ADAMTSL1: variants seen among roughly 807,000 people sequenced by gnomAD.
The protein encoded by ADAMTSL1 is ADAMTS-like protein 1.
In ADAMTSL1, 126 loss-of-function variants were observed where a neutral mutation model predicts 201.8. That is an observed-to-expected ratio of 0.62 (90% CI 0.54 to 0.72). ADAMTSL1 has a LOEUF of 0.72. Ranked by LOEUF, ADAMTSL1 falls within the 30% of genes least tolerant of loss-of-function variation. The probability of loss-of-function intolerance (pLI) is 0.00; values close to 1 mark genes in which losing one functional copy is unlikely to be tolerated. For synonymous variants in ADAMTSL1, 1,121 were observed against 903.4 expected (o/e 1.24, Z -4.32); for missense variants, 2,679 against 2,277.8 (o/e 1.18, Z -3.59).
chr9:17,995,575 C>T (rs1006199155), intron 1 of ADAMTSL1, among the ~76,000 whole-genome samples: 1 of 151,966 alleles, frequency 6.6e-6, no homozygotes, highest in Non-Finnish European at 1.5e-5. Context: ...AGTGGAGTAA[C>T]ATTTTAATTT....
rs1404009115 is a variant in ADAMTSL1, at chr9:18,770,660, T to C, written c.2276T>C (p.Met759Thr). 5.0e-6 allele frequency: 8 copies of C among 1,613,588 alleles called. No homozygotes were observed. The highest frequency in any genetic ancestry group is 1.3e-5 in the African/African-American group (1 of 74,924). ...CGTGAGGTTCTTTGCAAGCAGCGCA[T>C]GGCTGATGGCAGCTTCCTGGAGCTT... ...QKREVLCKQR[M>T]ADGSFLELPE... Residue 759 changes from methionine to threonine, a missense_variant, in exon 17 of 29, where the codon ATG becomes ACG. Physicochemically the swap from Met to Thr is moderately conservative, Grantham distance 81. Transcript: ENST00000380548.
At chr9:18,464,332 A>G (rs935712814) in intron 2 of ADAMTSL1, among the ~76,000 whole-genome samples, 1 of 152,238 alleles carries the variant, frequency 6.6e-6, no homozygotes, top group Non-Finnish European at 1.5e-5. Flanking sequence ...TATTTCAGCT[A>G]AATCAGAGAT....
At chr9:18,195,871 A>G (rs1829153186) in intron 2 of ADAMTSL1, among the ~76,000 whole-genome samples, 1 of 152,230 alleles carries the variant, frequency 6.6e-6, no homozygotes, top group East Asian at 1.9e-4. Context: ...TTTTAATTAG[A>G]TGGCCATAGT....
At chr9:18,399,280 C>A (rs1247915705) in intron 2 of ADAMTSL1, among the ~76,000 whole-genome samples, 2 of 31,006 alleles carry the variant, frequency 6.5e-5, no homozygotes, top group Non-Finnish European at 6.5e-5. Context: ...GTCTGCTTTA[C>A]ATATATATAT....
Position 18,680,348 on chromosome 9 carries a change from G to T in ADAMTSL1, c.1173G>T (p.Ser391=). 6 of 1,614,148 alleles carry T rather than the reference G, an allele frequency of 3.7e-6. No individual in the cohort carries two copies. Among genetic ancestry groups the T allele is most frequent in the Non-Finnish European group, 4.2e-6 (5 of 1,180,022 alleles). ...EATPWTACSS[S]CGGGIQSRAV... ...CCCCATGGACCGCGTGCTCCTCCTC[G>T]TGTGGGGGGGGCATCCAGAGCCGGG... The change falls in exon 11 of 29, where the codon TCG becomes TCT. Residue 391 remains serine, a synonymous_variant. Transcript: ENST00000380548.
At chr9:18,052,456 A>G (rs182935456) in intron 1 of ADAMTSL1, among the ~76,000 whole-genome samples, 2 of 152,298 alleles carry the variant, frequency 1.3e-5, no homozygotes, top group African/African-American at 4.8e-5. Context: ...GGTTCTAGGC[A>G]GAGAAACCAG....
chr9:18,819,600 G>A (rs1779762168), intron 21 of ADAMTSL1, among the ~76,000 whole-genome samples: 1 of 152,140 alleles, frequency 6.6e-6, no homozygotes, highest in African/African-American at 2.4e-5. Context: ...CCACTCTATT[G>A]TGCCGCCTAG....
At chr9:18,075,143 G>T (rs1823159403) in intron 1 of ADAMTSL1, among the ~76,000 whole-genome samples, 1 of 151,826 alleles carries the variant, frequency 6.6e-6, no homozygotes, top group South Asian at 2.1e-4. Flanking sequence ...TTCTGTGAGG[G>T]GGAGGGAAAA....
chr9:18,423,034 A>T (rs7852203), intron 2 of ADAMTSL1, among the ~76,000 whole-genome samples: 61,164 of 151,790 alleles, frequency 0.4, 12,422 homozygotes, highest in South Asian at 0.47. Flanking sequence ...GGATAGGAAA[A>T]CTCCCTCATC....
intron 1 of ADAMTSL1, among the ~76,000 whole-genome samples, chr9:18,008,441 T>A (rs1207561139): frequency 6.6e-6 from 1 of 151,988 alleles, no homozygotes; most frequent in East Asian, 2.0e-4. Context: ...ATTCAGCTCT[T>A]GTCTGCCACT....
intron 2 of ADAMTSL1, among the ~76,000 whole-genome samples, chr9:18,398,148 T>G (rs868598254): frequency 2.0e-5 from 3 of 152,248 alleles, no homozygotes; most frequent in Middle Eastern, 6.8e-3. Flanking sequence ...CTTACTAAAT[T>G]TCTCAAATTA....
chr9:18,127,883 T>A (rs1825803888), intron 1 of ADAMTSL1, among the ~76,000 whole-genome samples: 1 of 152,208 alleles, frequency 6.6e-6, no homozygotes, highest in African/African-American at 2.4e-5. Flanking sequence ...CTTTCATATG[T>A]TTGTCTCATG....
intron 2 of ADAMTSL1, among the ~76,000 whole-genome samples, chr9:18,186,507 A>G (rs1430979296): frequency 6.6e-6 from 1 of 152,072 alleles, no homozygotes; most frequent in African/African-American, 2.4e-5. Flanking sequence ...CTGAGACTTC[A>G]TTTTGCCGAC....
At position 17,940,806 on chromosome 9, in the gene ADAMTSL1, C is replaced by CCG. The variant is rs1305379140; in HGVS notation, c.87+33885_87+33886insGC. Among the ~76,000 whole-genome samples the CCG allele has an allele frequency of 2.2e-4, 13 of 59,062 alleles. 1 individual carries two copies. Among genetic ancestry groups the CCG allele is most frequent in the Admixed American group, 1.6e-3 (8 of 5,066 alleles). 38.7% of individuals were successfully genotyped at this position (59,062 alleles called of 152,430 possible). A position where few individuals can be genotyped will look rare whatever the true frequency, so the allele number is the denominator to read the frequency against. On this transcript the variant is annotated intron_variant, in intron 1 of 29. Coordinates refer to the ADAMTSL1 transcript ENST00000680146. ...TTAAAAATAAAAGTAAATAACACCC[C>CCG]CCCCCCAAAAAAAAGAAAGAAATAA...
At chr9:18,129,668 T>C (rs1825869915) in intron 1 of ADAMTSL1, among the ~76,000 whole-genome samples, 2 of 152,174 alleles carry the variant, frequency 1.3e-5, no homozygotes, top group African/African-American at 4.8e-5. Flanking sequence ...TAACAAGATA[T>C]TAAAGTACAC....
intron 2 of ADAMTSL1, among the ~76,000 whole-genome samples, chr9:18,382,897 T>C (rs947828425): frequency 1.3e-5 from 2 of 152,186 alleles, no homozygotes; most frequent in African/African-American, 4.8e-5. Flanking sequence ...AGATGCCAAA[T>C]TGAAGGATGA....
rs1186989541 is a variant in ADAMTSL1, at chr9:18,178,484, G to A, written c.207+14503G>A. 2.7e-3 allele frequency among the ~76,000 whole-genome samples: 409 copies of A among 150,724 alleles called. 2 individuals carry two copies. The highest frequency in any genetic ancestry group is 8.3e-3 in the African/African-American group (340 of 40,894). On this transcript the variant is annotated intron_variant, in intron 2 of 29. Transcript: ENST00000680146. The stretch of plus-strand genomic sequence containing the variant: ...CGCCATTGCCCAGGCTTGCTTAGGT[G>A]AACAAAGCAGCCGGGAAGCTCGAAC...
intron 2 of ADAMTSL1, among the ~76,000 whole-genome samples, chr9:18,309,986 G>T (rs1834057242): frequency 6.6e-6 from 1 of 152,050 alleles, no homozygotes; most frequent in Non-Finnish European, 1.5e-5. Context: ...TACCAAAACA[G>T]ATGTATAGTC....
At chr9:18,632,768 A>G (rs1826857861) in intron 5 of ADAMTSL1, among the ~76,000 whole-genome samples, 1 of 152,136 alleles carries the variant, frequency 6.6e-6, no homozygotes, top group Admixed American at 6.6e-5. Context: ...TATATAAGAG[A>G]AGGCTGTGGC....
Sources: gnomAD v4.1 joint callset for allele counts (sites outside exome capture counted in the v4.1 genomes callset) on GRCh38, gnomAD v4.1.1 for gene constraint, MANE v1.5 for transcripts, NCBI Gene and HGNC (gene_info 2026-07-23, HGNC 2026-07-21) for gene names.